Variants in DIS3L2 observed in about 807,000 individuals in gnomAD.
The protein encoded by DIS3L2 is DIS3-like exonuclease 2.
DIS3L2 carries 34 observed loss-of-function variants against 97.5 expected under a neutral mutation model. That is an observed-to-expected ratio of 0.35 (90% CI 0.27 to 0.46). DIS3L2 has a LOEUF of 0.46. Among genes scored for constraint, DIS3L2 ranks in the 20% least tolerant of loss-of-function variants. The pLI is 1.00. For synonymous variants in DIS3L2, 435 were observed against 445.2 expected (o/e 0.98, Z 0.29); for missense variants, 1,038 against 1,146.0 (o/e 0.91, Z 1.36).
At chr2:232,048,036 T>G (rs1051139064) in intron 5 of DIS3L2, among the ~76,000 whole-genome samples, 1 of 152,210 alleles carries the variant, frequency 6.6e-6, no homozygotes, top group Admixed American at 6.5e-5. Flanking sequence ...ATGCACAAGA[T>G]TTTATATAAG....
chr2:232,020,161 G>A (rs995160531), intron 3 of DIS3L2, among the ~76,000 whole-genome samples: 6 of 152,170 alleles, frequency 3.9e-5, no homozygotes, highest in Admixed American at 3.9e-4. Flanking sequence ...GCCAAGTCAT[G>A]TAGGGTCTCT....
intron 8 of DIS3L2, among the ~76,000 whole-genome samples, chr2:232,161,206 G>A (rs1466176022): frequency 2.6e-5 from 4 of 151,996 alleles, no homozygotes; most frequent in Admixed American, 6.6e-5. Context: ...GTGAGCCACC[G>A]CGCCCAGCCT....
chr2:232,021,335 C>T (rs1694504031), intron 3 of DIS3L2, among the ~76,000 whole-genome samples: 2 of 152,004 alleles, frequency 1.3e-5, no homozygotes, highest in African/African-American at 4.8e-5. Context: ...TGAATGGTGA[C>T]AATGTGGTCA....
At chr2:232,169,343 CAT>C (rs139649728) in intron 9 of DIS3L2, among the ~76,000 whole-genome samples, 17 of 149,770 alleles carry the variant, frequency 1.1e-4, no homozygotes, top group African/African-American at 1.2e-4. Flanking sequence ...CCGTATATGT[CAT>C]ATATATATAT....
intron 5 of DIS3L2, among the ~76,000 whole-genome samples, chr2:232,033,827 C>T (rs559352695): frequency 3.3e-5 from 5 of 152,254 alleles, no homozygotes; most frequent in African/African-American, 4.8e-5. Flanking sequence ...CCAACTTGAT[C>T]GTGGTGGATA....
At chr2:232,326,468 G>T (rs1466985336) in intron 14 of DIS3L2, among the ~76,000 whole-genome samples, 1 of 151,974 alleles carries the variant, frequency 6.6e-6, no homozygotes. Context: ...GGGTGCCACC[G>T]CCAGAGCCAG....
At chr2:232,243,083 A>G (rs1362008533) in intron 11 of DIS3L2, among the ~76,000 whole-genome samples, 1 of 152,130 alleles carries the variant, frequency 6.6e-6, no homozygotes, top group Non-Finnish European at 1.5e-5. Context: ...GGTGTTAGAG[A>G]AGAGAGAGGG....
At chr2:232,342,024 G>T (rs1047613229), downstream of DIS3L2, among the ~76,000 whole-genome samples, 1 of 152,136 alleles carries the variant, frequency 6.6e-6, no homozygotes, top group Non-Finnish European at 1.5e-5. Context: ...AAATATAGAC[G>T]ATAGATGATT....
chr2:232,219,900 TTG>T (rs1394718629), intron 10 of DIS3L2, among the ~76,000 whole-genome samples: 2 of 152,142 alleles, frequency 1.3e-5, no homozygotes, highest in Admixed American at 1.3e-4. Context: ...AAAACAAAAT[TTG>T]TGATCTAAAA....
intron 10 of DIS3L2, among the ~76,000 whole-genome samples, chr2:232,216,030 TG>T (rs1206929691): frequency 2.0e-5 from 3 of 152,348 alleles, no homozygotes; most frequent in Non-Finnish European, 2.9e-5. Flanking sequence ...CTGTACCACC[TG>T]AAGTCTCCCT....
At chr2:232,024,362 G>A (rs1694602492) in intron 4 of DIS3L2, 32 bp downstream of exon 4, 7 of 1,522,122 alleles carry the variant, frequency 4.6e-6, no homozygotes, top group Non-Finnish European at 6.3e-6. Context: ...TAAACTTTAT[G>A]TCACATTTAA....
chr2:232,029,947 TC>T lies in DIS3L2; in HGVS notation c.265-31del, dbSNP rs1426517848. Reference sequence around the variant, plus strand: ...TTTTTTGCTTTATGTGTTTTTAAGCTCACTATTGTTTTATTTCTTTTTCCAA... The same window carrying T: ...TTTTTTGCTTTATGTGTTTTTAAGCTACTATTGTTTTATTTCTTTTTCCAA... On this transcript the variant is annotated intron_variant, in intron 4 of 20. Coordinates refer to ENST00000325385, the MANE Select transcript of DIS3L2 (RefSeq NM_152383.5). 2.0e-6 allele frequency: 3 copies of T among 1,506,566 alleles called. No homozygotes were observed. The African/African-American group carries it at 4.3e-5, about 21-fold the overall frequency. The allele number at this position is 1,506,566 out of a possible 1,614,324, so 93.3% of individuals were successfully genotyped here.
intron 3 of DIS3L2, 55 bp downstream of exon 3, chr2:232,015,726 C>G: frequency 1.3e-6 from 2 of 1,587,884 alleles, no homozygotes; most frequent in Non-Finnish European, 1.7e-6. Context: ...CCAAAACAAT[C>G]TATTAAACTG....
intron 9 of DIS3L2, among the ~76,000 whole-genome samples, chr2:232,199,570 C>G (rs1425575369): frequency 6.6e-6 from 1 of 151,894 alleles, no homozygotes; most frequent in African/African-American, 2.4e-5. Flanking sequence ...TGATTCTGGT[C>G]CCTGAACTGA....
At chr2:232,085,905 C>T (rs1029596986) in intron 5 of DIS3L2, among the ~76,000 whole-genome samples, 3 of 152,038 alleles carry the variant, frequency 2.0e-5, no homozygotes, top group Non-Finnish European at 4.4e-5. Context: ...CTCCTAGGCT[C>T]AAGTAATCTT....
At chr2:232,270,564 A>AT (rs1173740917) in intron 13 of DIS3L2, among the ~76,000 whole-genome samples, 1 of 152,136 alleles carries the variant, frequency 6.6e-6, no homozygotes, top group Non-Finnish European at 1.5e-5. Flanking sequence ...TTAGATTCTG[A>AT]TTTTTTTGGT....
At chr2:232,148,922 T>G (rs1402567534) in intron 8 of DIS3L2, among the ~76,000 whole-genome samples, 2 of 148,384 alleles carry the variant, frequency 1.3e-5, no homozygotes, top group Admixed American at 1.3e-4. Flanking sequence ...CTGACTACAT[T>G]TACTGATTGA....
At chr2:232,059,921 A>G (rs1053196128) in intron 5 of DIS3L2, among the ~76,000 whole-genome samples, 2 of 151,640 alleles carry the variant, frequency 1.3e-5, no homozygotes, top group African/African-American at 2.4e-5. Flanking sequence ...TGTCTTTCCT[A>G]TTGTGTATAG....
At chr2:232,310,894 A>G (rs1695109655) in intron 14 of DIS3L2, among the ~76,000 whole-genome samples, 2 of 152,256 alleles carry the variant, frequency 1.3e-5, no homozygotes, top group African/African-American at 4.8e-5. Context: ...ACAGTCACCC[A>G]GTCTCCTCCA....
Sources: gnomAD v4.1 joint callset for allele counts (sites outside exome capture counted in the v4.1 genomes callset) on GRCh38, gnomAD v4.1.1 for gene constraint, MANE v1.5 for transcripts, NCBI Gene and HGNC (gene_info 2026-07-23, HGNC 2026-07-21) for gene names.